The following SGCD variants were observed in gnomAD, a reference collection of about 807,000 sequenced individuals.
The protein encoded by SGCD is delta-sarcoglycan.
A neutral mutation model predicts 36.6 loss-of-function variants in SGCD; 18 were observed. That is an observed-to-expected ratio of 0.49 (90% CI 0.34 to 0.73). SGCD has a LOEUF of 0.73. SGCD is among the 30% of genes least tolerant of loss of function. The probability of loss-of-function intolerance (pLI) is 0.01; values close to 1 mark genes in which losing one functional copy is unlikely to be tolerated. For missense variants in SGCD, 387 were observed against 346.7 expected (o/e 1.12, Z -0.92); for synonymous variants, 133 against 130.6 (o/e 1.02, Z -0.12).
intron 3 of SGCD, among the ~76,000 whole-genome samples, chr5:156,205,971 G>T (rs1286240354): frequency 2.1e-5 from 3 of 143,264 alleles, no homozygotes; most frequent in Non-Finnish European, 4.6e-5. Context: ...GCACATATAT[G>T]TGTGTGTATA....
Position 156,762,583 on chromosome 5 carries a change from A to C in SGCD, c.*3193A>C, listed in dbSNP as rs752625828. 2.6e-5 allele frequency: 4 copies of C among 152,654 alleles called. No homozygotes were observed. The highest frequency in any genetic ancestry group is 5.9e-5 in the Non-Finnish European group (4 of 68,032). The allele number at this position is 152,654 out of a possible 1,614,324, so 9.5% of individuals were successfully genotyped here. On this transcript the variant is annotated 3_prime_UTR_variant, in exon 9 of 9. Coordinates refer to ENST00000337851, the MANE Select transcript of SGCD (RefSeq NM_000337.6). ...AGCAACTATAGACCAAAGTTTGCTT[A>C]AGGTTTGACCCTAGAGCAGAGGTGG...
chr5:156,213,197 A>C (rs1370618763), intron 3 of SGCD, among the ~76,000 whole-genome samples: 1 of 152,006 alleles, frequency 6.6e-6, no homozygotes, highest in Non-Finnish European at 1.5e-5. Flanking sequence ...AATAGCAAAG[A>C]TTAATAAAAC....
intron 3 of SGCD, among the ~76,000 whole-genome samples, chr5:156,296,038 G>A (rs190458039): frequency 7.9e-5 from 12 of 152,344 alleles, no homozygotes; most frequent in African/African-American, 2.9e-4. Flanking sequence ...CTGTGAGCCA[G>A]AGCATCTGTT....
At chr5:156,476,392 CAG>C (rs1755177969) in intron 3 of SGCD, among the ~76,000 whole-genome samples, 1 of 152,170 alleles carries the variant, frequency 6.6e-6, no homozygotes, top group Non-Finnish European at 1.5e-5. Flanking sequence ...ATTAATTTGA[CAG>C]AGGAGCTGAG....
At chr5:156,590,204 T>C (rs1760673226) in intron 5 of SGCD, among the ~76,000 whole-genome samples, 1 of 152,212 alleles carries the variant, frequency 6.6e-6, no homozygotes, top group African/African-American at 2.4e-5. Context: ...ATTACTGTTA[T>C]TGTGAATAAA....
intron 2 of SGCD, among the ~76,000 whole-genome samples, chr5:156,332,083 C>T (rs1475610955): frequency 6.6e-6 from 1 of 152,108 alleles, no homozygotes; most frequent in Non-Finnish European, 1.5e-5. Flanking sequence ...GGTAATAGGC[C>T]AGTGTCTGGA....
chr5:156,038,609 C>T (rs576414182), intron 1 of SGCD, among the ~76,000 whole-genome samples: 64 of 147,606 alleles, frequency 4.3e-4, no homozygotes, highest in African/African-American at 1.7e-3. Context: ...AAATGGCTCC[C>T]ACACACACAC....
intron 3 of SGCD, among the ~76,000 whole-genome samples, chr5:156,164,717 G>A (rs1000452276): frequency 6.6e-6 from 1 of 152,136 alleles, no homozygotes; most frequent in Non-Finnish European, 1.5e-5. Context: ...TTGCCTTTCT[G>A]TTCCTTTCAA....
intron 1 of SGCD, among the ~76,000 whole-genome samples, chr5:155,935,417 A>G (rs1445590287): frequency 6.6e-6 from 1 of 152,244 alleles, no homozygotes; most frequent in African/African-American, 2.4e-5. Flanking sequence ...ATGGAACTTC[A>G]TTGTTGTGGG....
chr5:156,652,555 T>A (rs1187641520), intron 7 of SGCD, among the ~76,000 whole-genome samples: 1 of 152,070 alleles, frequency 6.6e-6, no homozygotes, highest in Admixed American at 6.6e-5. Context: ...AGAGAGATAA[T>A]TTGACTTCTT....
intron 1 of SGCD, among the ~76,000 whole-genome samples, chr5:155,913,084 A>G (rs1343161717): frequency 6.6e-6 from 1 of 152,104 alleles, no homozygotes; most frequent in Non-Finnish European, 1.5e-5. Context: ...TCTCTTTTTA[A>G]GATGATTCCT....
At chr5:155,985,950 G>C (rs1229161479) in intron 1 of SGCD, among the ~76,000 whole-genome samples, 1 of 152,038 alleles carries the variant, frequency 6.6e-6, no homozygotes, top group East Asian at 1.9e-4. Context: ...AGTTTACTTT[G>C]AACTCTTCAG....
chr5:156,274,867 G>C (rs1433378672), intron 3 of SGCD, among the ~76,000 whole-genome samples: 1 of 152,062 alleles, frequency 6.6e-6, no homozygotes, highest in African/African-American at 2.4e-5. Context: ...GGGTCCCTCA[G>C]TCTGCAAGGA....
intron 1 of SGCD, among the ~76,000 whole-genome samples, chr5:155,967,653 G>A (rs775445038): frequency 6.6e-6 from 1 of 151,942 alleles, no homozygotes; most frequent in African/African-American, 2.4e-5. Context: ...GGCTCTCCAG[G>A]TTTCTTTAAT....
rs536272439 is a variant in SGCD at position 156,404,681 on chromosome 5, A to AT, written c.192+60010dup. On this transcript the variant is annotated intron_variant, in intron 3 of 8. Transcript: ENST00000337851. ...CAAAATGCAATGGTAGATCATATAT[A>AT]TTTTTTCTTTTACTGATGGAAAAAA... 1.4e-3 allele frequency among the ~76,000 whole-genome samples: 211 copies of AT among 152,302 alleles called. 1 individual carries two copies. In the East Asian group the frequency reaches 0.015, roughly 11 times the overall value.
the SGCD span, among the ~76,000 whole-genome samples, chr5:155,736,371 T>C: frequency 1.9e-4 from 29 of 152,206 alleles, no homozygotes; most frequent in Non-Finnish European, 3.7e-4. Flanking sequence ...TTTGCCCTTC[T>C]ACCATAATCA....
chr5:156,678,822 T>A (rs1337462085), intron 7 of SGCD, among the ~76,000 whole-genome samples: 1 of 152,186 alleles, frequency 6.6e-6, no homozygotes, highest in African/African-American at 2.4e-5. Flanking sequence ...GTATGCCCTA[T>A]TAACATTTTA....
chr5:156,608,487 G>C (rs1418750923), intron 6 of SGCD, among the ~76,000 whole-genome samples: 2 of 152,214 alleles, frequency 1.3e-5, no homozygotes, highest in East Asian at 3.8e-4. Flanking sequence ...TTTGGAACAG[G>C]TGTGGTGTGG....
At chr5:156,607,273 C>A (rs539964668) in intron 6 of SGCD, among the ~76,000 whole-genome samples, 1 of 152,234 alleles carries the variant, frequency 6.6e-6, no homozygotes, top group East Asian at 1.9e-4. Flanking sequence ...TGAATTTTGT[C>A]AAAGGCTTTT....
Sources: gnomAD v4.1 joint callset for allele counts (sites outside exome capture counted in the v4.1 genomes callset) on GRCh38, gnomAD v4.1.1 for gene constraint, MANE v1.5 for transcripts, NCBI Gene and HGNC (gene_info 2026-07-23, HGNC 2026-07-21) for gene names.